TTC23L: variants seen among roughly 807,000 people sequenced by gnomAD.
The protein encoded by TTC23L is tetratricopeptide repeat domain 23 like.
Under a neutral mutation model 48.1 loss-of-function variants are expected in TTC23L, and 42 were observed. The observed-to-expected ratio is 0.87, with a 90% CI of 0.68 to 1.13. The LOEUF (loss-of-function observed/expected upper bound fraction) is 1.13. Ranked by LOEUF, TTC23L falls within the 50% of genes most tolerant of loss-of-function variation. The pLI is 0.00. For missense variants in TTC23L, 391 were observed against 421.0 expected, an observed-to-expected ratio of 0.93 and a Z score of 0.62; for synonymous variants, 159 against 157.2, an observed-to-expected ratio of 1.01 and a Z score of -0.09.
chr5:34,859,420 T>G (rs529866444), intron 4 of TTC23L, among the ~76,000 whole-genome samples: 3 of 152,126 alleles, frequency 2.0e-5, no homozygotes, highest in Non-Finnish European at 4.4e-5. Context: ...CAGATCTAAT[T>G]CCCCCTCCTC....
At chr5:34,882,149 T>A (rs1358106730) in intron 9 of TTC23L, among the ~76,000 whole-genome samples, 2 of 152,222 alleles carry the variant, frequency 1.3e-5, no homozygotes, top group Non-Finnish European at 2.9e-5. Context: ...TTTAATACCT[T>A]ATCCTTGTTA....
At chr5:34,882,920 G>T (rs1276809672) in intron 9 of TTC23L, 1 of 152,396 alleles carries the variant, frequency 6.6e-6, no homozygotes, top group Non-Finnish European at 1.5e-5. Flanking sequence ...CATGCCTGTG[G>T]TCCCAGCTAC....
intron 9 of TTC23L, among the ~76,000 whole-genome samples, chr5:34,891,453 T>C (rs1357700695): frequency 6.6e-6 from 1 of 152,200 alleles, no homozygotes; most frequent in African/African-American, 2.4e-5. Context: ...GAGTATGCGC[T>C]CAATAAGTGT....
At chr5:34,874,771 T>C (rs1761711895) in intron 8 of TTC23L, among the ~76,000 whole-genome samples, 1 of 148,406 alleles carries the variant, frequency 6.7e-6, no homozygotes, top group African/African-American at 2.5e-5. Flanking sequence ...CCACAAAAGG[T>C]AGGAAAAGAG....
the TTC23L span, chr5:34,915,497 G>A: frequency 6.8e-6 from 3 of 443,882 alleles, no homozygotes; most frequent in East Asian, 7.8e-5. Flanking sequence ...AGGAACCGCG[G>A]AGGAAGTGAA....
the TTC23L span, chr5:34,916,635 T>C: frequency 1.1e-4 from 17 of 152,244 alleles, no homozygotes; most frequent in African/African-American, 4.1e-4. Flanking sequence ...CTAAGAACTC[T>C]TCTTAAGCTA....
At chr5:34,896,928 A>G (rs1763258943) in intron 10 of TTC23L, 53 bp downstream of exon 10, 1 of 642,950 alleles carries the variant, frequency 1.6e-6, no homozygotes. Context: ...AGGGGCTGCA[A>G]GAAATGCTGA....
the TTC23L span, chr5:34,909,497 C>T: frequency 3.7e-6 from 2 of 541,756 alleles, no homozygotes; most frequent in East Asian, 2.9e-5. Context: ...CACACGATAA[C>T]AAGTACCATA....
intron 4 of TTC23L, chr5:34,861,259 C>A (rs111899150): frequency 0.046 from 7,032 of 154,138 alleles, 193 homozygotes; most frequent in South Asian, 0.062. Context: ...AGCCACCACG[C>A]CCAGCCAGAT....
intron 1 of TTC23L, chr5:34,839,517 A>C (rs1758414831): frequency 2.0e-6 from 1 of 512,158 alleles, no homozygotes; most frequent in South Asian, 8.5e-5. Context: ...GCCGTGCGGA[A>C]CGTCATAGGA....
chr5:34,877,736 C>T (rs573442148), intron 8 of TTC23L, among the ~76,000 whole-genome samples: 4 of 152,198 alleles, frequency 2.6e-5, no homozygotes, highest in African/African-American at 9.6e-5. Context: ...CACCATTATT[C>T]TTAATGGTGA....
chr5:34,874,215 C>T (rs186764224), intron 8 of TTC23L, among the ~76,000 whole-genome samples: 24 of 151,816 alleles, frequency 1.6e-4, no homozygotes, highest in Admixed American at 9.2e-4. Context: ...ACAGACTTGA[C>T]GTAAAGAAAT....
chr5:34,853,310 C>T (rs1370694000), intron 4 of TTC23L, among the ~76,000 whole-genome samples: 1 of 152,028 alleles, frequency 6.6e-6, no homozygotes, highest in African/African-American at 2.4e-5. Context: ...GTGAGTGGAT[C>T]ACTTGAGGTC....
At chr5:34,849,573 A>T (rs1759493977) in intron 3 of TTC23L, among the ~76,000 whole-genome samples, 1 of 152,264 alleles carries the variant, frequency 6.6e-6, no homozygotes, top group South Asian at 2.1e-4. Flanking sequence ...CAAATTATTT[A>T]AAAAATTCCA....
chr5:34,846,659 A>ATGTGTGTGTG (rs533382588), intron 3 of TTC23L, among the ~76,000 whole-genome samples: 1 of 69,160 alleles, frequency 1.4e-5, no homozygotes, highest in African/African-American at 4.0e-5. Context: ...AAATACATAT[A>ATGTGTGTGTG]TGTGTGTATG....
At position 34,863,032 on chromosome 5, in the gene TTC23L, G is replaced by A. The variant is rs374310226; in HGVS notation, c.514G>A (p.Val172Met). Residue 172 changes from valine (V) to methionine (M), a missense_variant, in exon 5 of 11, where the codon GTG becomes ATG. Coordinates refer to ENST00000505624, the Ensembl canonical transcript of TTC23L. The surrounding 1 kb of genome is among the most constrained non-coding windows in gnomAD (Gnocchi z 4.1). ...GGTCAAGCTGTACTACACTCTGGGC[G>A]TGGCCTGGCTCCTGCAGAACCGATA... 6.2e-5 allele frequency: 100 copies of A among 1,613,954 alleles called. No individual in the cohort carries two copies. The highest frequency in any genetic ancestry group is 2.0e-4 in the East Asian group (9 of 44,872).
intron 9 of TTC23L, among the ~76,000 whole-genome samples, chr5:34,894,881 TTAA>T (rs931828623): frequency 5.4e-4 from 66 of 122,426 alleles, no homozygotes; most frequent in South Asian, 8.5e-4. Context: ...GATGAGAGTG[TTAA>T]TGATGATGAT....
chr5:34,889,829 T>A (rs906848505), intron 9 of TTC23L, among the ~76,000 whole-genome samples: 1 of 139,446 alleles, frequency 7.2e-6, no homozygotes, highest in South Asian at 2.1e-4. Flanking sequence ...TTAGGTGGGG[T>A]TTTTTTTTGT....
the TTC23L span, chr5:34,905,716 T>C: frequency 3.3e-5 from 5 of 152,104 alleles, no homozygotes; most frequent in African/African-American, 9.7e-5. Context: ...ACACATCAAT[T>C]TGTAGTGGCA....
Sources: gnomAD v4.1 joint callset for allele counts (sites outside exome capture counted in the v4.1 genomes callset) on GRCh38, gnomAD v4.1.1 for gene constraint, Gnocchi (gnomAD v3.1) non-coding constraint, MANE v1.5 for transcripts, NCBI Gene and HGNC (gene_info 2026-07-23, HGNC 2026-07-21) for gene names.